Variants in ATRNL1 observed in about 807,000 individuals in gnomAD.
ATRNL1 encodes the protein attractin-like protein 1.
A neutral mutation model predicts 182.7 loss-of-function variants in ATRNL1; 95 were observed. The observed-to-expected ratio is 0.52, with a 90% CI of 0.44 to 0.62. The LOEUF is 0.62. ATRNL1 is among the 20% of genes least tolerant of loss of function. The pLI, the probability that ATRNL1 is intolerant of heterozygous loss-of-function variation, is 0.00. For synonymous variants in ATRNL1, 576 were observed against 568.3 expected (o/e 1.01, Z -0.19); for missense variants, 1,471 against 1,679.5 (o/e 0.88, Z 2.17).
At chr10:115,560,393 C>G (rs1853627714) in intron 26 of ATRNL1, among the ~76,000 whole-genome samples, 1 of 152,124 alleles carries the variant, frequency 6.6e-6, no homozygotes, top group Non-Finnish European at 1.5e-5. Context: ...AGTTACCTTC[C>G]ACTGGGTCCC....
At chr10:115,690,870 G>A (rs997655883) in intron 26 of ATRNL1, among the ~76,000 whole-genome samples, 1 of 152,086 alleles carries the variant, frequency 6.6e-6, no homozygotes, top group African/African-American at 2.4e-5. Context: ...GGTTTCTGTG[G>A]GCGTAAGAAC....
At position 115,315,698 on chromosome 10, in the gene ATRNL1, A is replaced by C; in HGVS notation, c.2999A>C (p.Lys1000Thr). 1.2e-6 allele frequency: 2 copies of C among 1,613,732 alleles called. No individual in the cohort carries two copies. Among genetic ancestry groups the C allele is most frequent in the South Asian group, 2.2e-5 (2 of 91,068 alleles). Residue 1000 changes from lysine to threonine, a missense_variant, in exon 18 of 29, where the codon AAA becomes ACA. Lys to Thr is a moderately conservative substitution (Grantham distance 78). Coordinates refer to ENST00000355044, the MANE Select transcript of ATRNL1 (RefSeq NM_207303.4). ...EMVLDTNLCP[K>T]EKNYEWSFIQ... ...GTTCTTGACACCAATCTTTGCCCCA[A>C]AGAAAAGAACTATGAGTGGTCCTTT...
At chr10:115,269,371 A>T (rs1016058261) in intron 13 of ATRNL1, among the ~76,000 whole-genome samples, 1 of 152,090 alleles carries the variant, frequency 6.6e-6, no homozygotes. Flanking sequence ...GTCTCACTCC[A>T]TCACCCAGGC....
In ATRNL1 at chr10:115,364,486, C is replaced by G. The variant is rs868990902; in HGVS notation, c.3175+30067C>G. ...GCAAACAGGGACAATTTGACTTCCTCTTTTCCTAATTGAATACCCTTTATT... is the reference window on the plus strand; with the variant it reads ...GCAAACAGGGACAATTTGACTTCCTGTTTTCCTAATTGAATACCCTTTATT... On this transcript the variant is annotated intron_variant, in intron 19 of 28. Transcript: ENST00000355044. Among the ~76,000 whole-genome samples the G allele has an allele frequency of 2.0e-3, 299 of 147,676 alleles. 1 individual carries two copies. The highest frequency in any genetic ancestry group is 3.5e-3 in the Non-Finnish European group (232 of 67,202).
chr10:115,365,986 T>A (rs566365686), intron 19 of ATRNL1, among the ~76,000 whole-genome samples: 7 of 152,074 alleles, frequency 4.6e-5, no homozygotes, highest in African/African-American at 1.7e-4. Flanking sequence ...GCTGAAAATG[T>A]ATATTCTGTT....
chr10:115,746,661 A>G (rs1555069245), intron 27 of ATRNL1, among the ~76,000 whole-genome samples: 1 of 152,052 alleles, frequency 6.6e-6, no homozygotes. Context: ...ATATTATAAT[A>G]CTGATCTAAT....
chr10:115,923,829 A>G (rs569663325), intron 28 of ATRNL1, among the ~76,000 whole-genome samples: 25 of 152,282 alleles, frequency 1.6e-4, no homozygotes, highest in African/African-American at 5.5e-4. Flanking sequence ...GGAATCGCCT[A>G]CTGTCTTCCA....
At chr10:115,565,732 T>A (rs1854037446) in intron 26 of ATRNL1, among the ~76,000 whole-genome samples, 2 of 152,106 alleles carry the variant, frequency 1.3e-5, no homozygotes, top group Non-Finnish European at 2.9e-5. Context: ...AGATTATAAT[T>A]AAAAACTTTA....
chr10:115,672,224 A>T (rs531411811), intron 26 of ATRNL1, among the ~76,000 whole-genome samples: 1 of 152,202 alleles, frequency 6.6e-6, no homozygotes, highest in Non-Finnish European at 1.5e-5. Flanking sequence ...AACATGGTAG[A>T]TGTTGATAGC....
intron 26 of ATRNL1, among the ~76,000 whole-genome samples, chr10:115,617,940 G>A (rs1592955101): frequency 6.6e-6 from 1 of 152,136 alleles, no homozygotes; most frequent in East Asian, 1.9e-4. Context: ...GGATCATAGG[G>A]TAGATTTCCT....
chr10:115,776,478 C>T (rs1334608267), intron 27 of ATRNL1, among the ~76,000 whole-genome samples: 2 of 152,122 alleles, frequency 1.3e-5, no homozygotes, highest in Non-Finnish European at 2.9e-5. Flanking sequence ...TAGGTCTCTT[C>T]CTCTTGAATC....
intron 26 of ATRNL1, among the ~76,000 whole-genome samples, chr10:115,593,486 A>G (rs1225535129): frequency 3.3e-5 from 5 of 152,180 alleles, no homozygotes; most frequent in African/African-American, 9.7e-5. Flanking sequence ...AGAACACACA[A>G]TGGGGGAAAG....
At position 115,197,114 on chromosome 10, in the gene ATRNL1, T is replaced by C. The variant is rs540431098; in HGVS notation, c.1349-18583T>C. Among the ~76,000 whole-genome samples, 137 of 152,268 alleles carry C rather than the reference T, an allele frequency of 9.0e-4. 2 individuals are homozygous for C. In the South Asian group the frequency reaches 0.025, roughly 28 times the overall value. ...AAATTTCCTCGAAATAGTTTTTTTT[T>C]CCACATCTTTTGAGAAAAACTTTTG... On this transcript the variant is annotated intron_variant, in intron 8 of 28. Transcript: ENST00000355044.
intron 28 of ATRNL1, among the ~76,000 whole-genome samples, chr10:115,933,866 T>C (rs1953476888): frequency 1.3e-5 from 2 of 152,140 alleles, no homozygotes. Context: ...CTCCTCTGGG[T>C]CTTCTCCCTT....
Position 115,324,230 on chromosome 10 carries a change from G to A in ATRNL1, c.3037+8494G>A, listed in dbSNP as rs367552165. Among the ~76,000 whole-genome samples, 273 of 152,084 alleles carry A rather than the reference G, an allele frequency of 1.8e-3. 3 individuals are homozygous for A. The highest frequency in any genetic ancestry group is 6.2e-3 in the African/African-American group (259 of 41,502). ...GTCAGGGTTTGGCAAACCAAGGTCG[G>A]TAGGCCAAATCTGGTGTGCTGCAGA... is the stretch of plus-strand genomic sequence containing the variant. On this transcript the variant is annotated intron_variant, in intron 18 of 28. Coordinates refer to ENST00000355044, the MANE Select transcript of ATRNL1 (RefSeq NM_207303.4).
At chr10:115,103,179 G>A (rs1053662269) in intron 1 of ATRNL1, among the ~76,000 whole-genome samples, 3 of 151,230 alleles carry the variant, frequency 2.0e-5, no homozygotes, top group Non-Finnish European at 2.9e-5. Context: ...CTGGGATTAC[G>A]GGCGCCCATC....
chr10:115,661,928 C>G (rs1249784759), intron 26 of ATRNL1, among the ~76,000 whole-genome samples: 3 of 143,572 alleles, frequency 2.1e-5, no homozygotes, highest in African/African-American at 7.8e-5. Flanking sequence ...CCCCTCCCCC[C>G]TCCTCCCACC....
chr10:115,715,879 C>T (rs1445211585), intron 26 of ATRNL1, among the ~76,000 whole-genome samples: 1 of 152,194 alleles, frequency 6.6e-6, no homozygotes, highest in Admixed American at 6.5e-5. Context: ...TTAATAGGAA[C>T]ATTGGACTTA....
chr10:115,570,018 G>A (rs1481801333), intron 26 of ATRNL1, among the ~76,000 whole-genome samples: 5 of 152,174 alleles, frequency 3.3e-5, no homozygotes, highest in African/African-American at 1.2e-4. Flanking sequence ...CTGGAGTGCA[G>A]TGGTGCGATC....
Sources: gnomAD v4.1 joint callset for allele counts (sites outside exome capture counted in the v4.1 genomes callset) on GRCh38, gnomAD v4.1.1 for gene constraint, MANE v1.5 for transcripts, NCBI Gene and HGNC (gene_info 2026-07-23, HGNC 2026-07-21) for gene names.